The following KLRD1 variants were observed in gnomAD, a reference collection of about 807,000 sequenced individuals.
The protein encoded by KLRD1 is killer cell lectin like receptor D1, also known as natural killer cells antigen CD94.
A neutral mutation model predicts 22.6 loss-of-function variants in KLRD1; 21 were observed. That is an observed-to-expected ratio of 0.93 (90% CI 0.66 to 1.34). The LOEUF is 1.34. KLRD1 is among the 40% of genes most tolerant of loss of function. The pLI is 0.00. For missense variants in KLRD1, 183 were observed against 208.6 expected (o/e 0.88, Z 0.76); for synonymous variants, 59 against 71.1 (o/e 0.83, Z 0.85).
At chr12:10,295,096 T>C (rs1949810076) in intron 1 of KLRD1, among the ~76,000 whole-genome samples, 1 of 152,204 alleles carries the variant, frequency 6.6e-6, no homozygotes, top group Admixed American at 6.5e-5. Flanking sequence ...TTTGTGCTTT[T>C]AGTATTTGTC....
chr12:10,279,877 A>C (rs1643653933), intron 1 of KLRD1, among the ~76,000 whole-genome samples: 1 of 152,188 alleles, frequency 6.6e-6, no homozygotes, highest in African/African-American at 2.4e-5. Context: ...CCAAATGATA[A>C]TGACACTAAT....
At chr12:10,308,188 G>A (rs1565468102) in intron 1 of KLRD1, 104 bp downstream of exon 1, 6 of 966,410 alleles carry the variant, frequency 6.2e-6, no homozygotes, top group Non-Finnish European at 9.9e-6. Context: ...ATGATTAACA[G>A]TGGATGTTTT....
rs754270246 is a variant in KLRD1 at position 10,309,404 on chromosome 12, G to A, written c.24G>A (p.Leu8=). Residue 8 remains leucine (L), a synonymous_variant, in exon 2 of 6, where the codon CTG becomes CTA. Transcript: ENST00000336164. MAVFKTT[L]WRLISGTLGI... ...TCTCTACAGTGTTTAAGACCACTCTGTGGAGGTTAATTTCTGGGACCTTAG... is the reference window on the plus strand; with the variant it reads ...TCTCTACAGTGTTTAAGACCACTCTATGGAGGTTAATTTCTGGGACCTTAG... 1.3e-6 allele frequency: 2 copies of A among 1,501,816 alleles called. No individual in the cohort carries two copies. The highest frequency in any genetic ancestry group is 1.9e-6 in the Non-Finnish European group (2 of 1,077,458). 93.0% of individuals were successfully genotyped at this position (1,501,816 alleles called of 1,614,324 possible). A position where few individuals can be genotyped will look rare whatever the true frequency, so the allele number is the denominator to read the frequency against.
intron 1 of KLRD1, among the ~76,000 whole-genome samples, chr12:10,281,630 C>CT (rs1949644326): frequency 6.6e-6 from 1 of 152,176 alleles, no homozygotes; most frequent in African/African-American, 2.4e-5. Flanking sequence ...ATCATCTACA[C>CT]TACCTTTTTC....
rs2137761449 is a variant in KLRD1, at chr12:10,329,428, C to A, written c.*14635C>A. Reference sequence around the variant, plus strand: ...CTTCTTTTATGACCTAACATATGATCTATCCTGCAGAATGATCCATGTGCA... The same window carrying A: ...CTTCTTTTATGACCTAACATATGATATATCCTGCAGAATGATCCATGTGCA... On this transcript the variant is annotated 3_prime_UTR_variant, in exon 6 of 6. Coordinates refer to ENST00000336164, the MANE Select transcript of KLRD1 (RefSeq NM_002262.5). The A allele has an allele frequency of 6.6e-6, 1 of 152,314 alleles. No individual in the cohort carries two copies. Among genetic ancestry groups the A allele is most frequent in the Admixed American group, 6.5e-5 (1 of 15,290 alleles). 9.4% of individuals were successfully genotyped at this position (152,314 alleles called of 1,614,324 possible).
intron 1 of KLRD1, among the ~76,000 whole-genome samples, chr12:10,278,633 A>G (rs1949613046): frequency 6.6e-6 from 1 of 152,210 alleles, no homozygotes; most frequent in Admixed American, 6.5e-5. Flanking sequence ...GTTTAATGGT[A>G]ACCATTGATT....
rs1235483040 is a variant in KLRD1 at position 10,328,257 on chromosome 12, G to C, written c.*13464G>C. On this transcript the variant is annotated 3_prime_UTR_variant, in exon 6 of 6. Coordinates refer to ENST00000336164, the MANE Select transcript of KLRD1 (RefSeq NM_002262.5). ...CCATTAATTTCTCCTTAAATATTTG[G>C]TGGCTTCACCAGAAGAGCCATCTTG... 1 of 152,060 alleles carries C rather than the reference G, an allele frequency of 6.6e-6. No individual in the cohort carries two copies. The highest frequency in any genetic ancestry group is 1.5e-5 in the Non-Finnish European group (1 of 67,994). 9.4% of individuals were successfully genotyped at this position (152,060 alleles called of 1,614,324 possible).
At chr12:10,311,827 A>G in intron 4 of KLRD1, 1 of 415,236 alleles carries the variant, frequency 2.4e-6, no homozygotes, top group Non-Finnish European at 4.2e-6. Flanking sequence ...AAATCAAGAT[A>G]GGTGCCAAAT....
chr12:10,264,368 AT>A (rs560498735), intron 1 of KLRD1, among the ~76,000 whole-genome samples: 102 of 152,264 alleles, frequency 6.7e-4, no homozygotes, highest in African/African-American at 2.4e-3. Context: ...ACCAATTTAT[AT>A]TTTATTTCAT....
intron 1 of KLRD1, among the ~76,000 whole-genome samples, chr12:10,272,270 CA>C (rs1279895949): frequency 3.9e-5 from 6 of 152,126 alleles, no homozygotes; most frequent in African/African-American, 1.4e-4. Context: ...AACTCATAGA[CA>C]CCAAAAGTCA....
At chr12:10,239,284 C>G (rs12316058) in intron 1 of KLRD1, among the ~76,000 whole-genome samples, 12,656 of 152,066 alleles carry the variant, frequency 0.083, 660 homozygotes, top group East Asian at 0.17. Context: ...TCTAGGAGCA[C>G]GGGTTCTAAT....
rs1950187165 is a variant in KLRD1 at position 10,314,880 on chromosome 12, C to T, written c.*87C>T. The T allele has an allele frequency of 9.6e-6, 12 of 1,248,148 alleles. No homozygotes were observed. The highest frequency in any genetic ancestry group is 1.1e-6 in the Non-Finnish European group (1 of 896,774). The allele number at this position is 1,248,148 out of a possible 1,614,324, so 77.3% of individuals were successfully genotyped here. A position where few individuals can be genotyped will look rare whatever the true frequency, so the allele number is the denominator to read the frequency against. On this transcript the variant is annotated 3_prime_UTR_variant, in exon 6 of 6. Transcript: ENST00000336164. ...TGCATGTTATATTATTACTAATTGT[C>T]TACTTCTGGAGTCTATAAAATGTTT...
rs1014127309 is a variant in KLRD1 at position 10,312,056 on chromosome 12, T to C, written c.315+441T>C. On this transcript the variant is annotated intron_variant, in intron 4 of 5. Transcript: ENST00000336164. The stretch of plus-strand genomic sequence containing the variant: ...GTACCCAATTCTTTTCTTTTCTTTT[T>C]TTTTTTTTTTTTTTGAGACAGAGTT... Among the ~76,000 whole-genome samples, 301 of 148,230 alleles carry C rather than the reference T, an allele frequency of 2.0e-3. 1 individual carries two copies. Among genetic ancestry groups the C allele is most frequent in the Non-Finnish European group, 3.1e-3 (207 of 66,754 alleles).
At position 10,314,825 on chromosome 12, in the gene KLRD1, A is replaced by G. The variant is rs770853976; in HGVS notation, c.*32A>G. 1 of 1,578,670 alleles carries G rather than the reference A, an allele frequency of 6.3e-7. No individual in the cohort carries two copies. Among genetic ancestry groups the G allele is most frequent in the South Asian group, 1.2e-5 (1 of 86,332 alleles). On this transcript the variant is annotated 3_prime_UTR_variant, in exon 6 of 6. Coordinates refer to ENST00000336164, the MANE Select transcript of KLRD1 (RefSeq NM_002262.5). ...CTTGGGGCAGAGAAGGTGGAGAGTAAAGACCCAACATTACTAACAATGATA... is the reference window on the plus strand; with the variant it reads ...CTTGGGGCAGAGAAGGTGGAGAGTAGAGACCCAACATTACTAACAATGATA...
rs1041797234 is a variant in KLRD1 at position 10,326,422 on chromosome 12, C to T, written c.*11629C>T. The T allele has an allele frequency of 3.3e-5, 5 of 152,182 alleles. No individual in the cohort carries two copies. Among genetic ancestry groups the T allele is most frequent in the African/African-American group, 1.2e-4 (5 of 41,426 alleles). The allele number at this position is 152,182 out of a possible 1,614,324, so 9.4% of individuals were successfully genotyped here. A position where few individuals can be genotyped will look rare whatever the true frequency, so the allele number is the denominator to read the frequency against. ...ACATGTGCCCAAGGTGGTCAGGGCA[C>T]AGTTTGGTTTTATACATTTTAGGGA... On this transcript the variant is annotated 3_prime_UTR_variant, in exon 6 of 6. Coordinates refer to ENST00000336164, the MANE Select transcript of KLRD1 (RefSeq NM_002262.5).
At chr12:10,284,260 C>T (rs1949678367) in intron 1 of KLRD1, among the ~76,000 whole-genome samples, 1 of 152,190 alleles carries the variant, frequency 6.6e-6, no homozygotes, top group African/African-American at 2.4e-5. Flanking sequence ...AGAGATTCAA[C>T]TTACCTTGTC....
chr12:10,246,060 T>C (rs1949287878), intron 1 of KLRD1, among the ~76,000 whole-genome samples: 1 of 152,234 alleles, frequency 6.6e-6, no homozygotes, highest in Non-Finnish European at 1.5e-5. Context: ...ATGCATTTCA[T>C]CTCATGATAG....
upstream of KLRD1, among the ~76,000 whole-genome samples, chr12:10,302,637 G>C (rs543810700): frequency 4.7e-4 from 71 of 152,244 alleles, no homozygotes; most frequent in Middle Eastern, 0.01. Context: ...GGGTGTTGCT[G>C]ATTGGTTGAG....
chr12:10,326,987 C>T lies in KLRD1; in HGVS notation c.*12194C>T, dbSNP rs949838089. The T allele has an allele frequency of 6.6e-6, 1 of 152,170 alleles. No individual in the cohort carries two copies. Among genetic ancestry groups the T allele is most frequent in the Non-Finnish European group, 1.5e-5 (1 of 68,034 alleles). 9.4% of individuals were successfully genotyped at this position (152,170 alleles called of 1,614,324 possible). A position where few individuals can be genotyped will look rare whatever the true frequency, so the allele number is the denominator to read the frequency against. ...CAGATTGATGATATCATTGCCAAAA[C>T]CAATGTCAAAAGGTTTTCCTCTATG... On this transcript the variant is annotated 3_prime_UTR_variant, in exon 6 of 6. Coordinates refer to ENST00000336164, the MANE Select transcript of KLRD1 (RefSeq NM_002262.5).
Sources: allele counts gnomAD v4.1 joint callset (sites outside exome capture counted in the v4.1 genomes callset), GRCh38; gene constraint gnomAD v4.1.1; transcripts MANE v1.5; gene names NCBI Gene and HGNC (gene_info 2026-07-23, HGNC 2026-07-21).